The following AASDH variants were observed in gnomAD, a reference collection of about 807,000 sequenced individuals.
The protein encoded by AASDH is beta-alanine-activating enzyme.
AASDH carries 81 observed loss-of-function variants against 102.3 expected under a neutral mutation model. That is an observed-to-expected ratio of 0.79 (90% CI 0.66 to 0.95). The LOEUF (loss-of-function observed/expected upper bound fraction) is 0.95, where lower values mean the gene tolerates loss of function less well. AASDH is among the 40% of genes least tolerant of loss of function. AASDH has a pLI of 0.00. For synonymous variants in AASDH, 398 were observed against 454.0 expected (o/e 0.88, Z 1.57); for missense variants, 1,203 against 1,266.2 (o/e 0.95, Z 0.76).
chr4:56,381,905 T>C (rs1487745605), intron 3 of AASDH: 1 of 152,202 alleles, frequency 6.6e-6, no homozygotes, highest in East Asian at 1.9e-4. Flanking sequence ...GGTTATATCT[T>C]TGGTTGGCAA....
chr4:56,355,035 G>C, intron 6 of AASDH, 147 bp downstream of exon 6: 2 of 1,053,324 alleles, frequency 1.9e-6, no homozygotes, highest in South Asian at 1.8e-5. Context: ...GCTATAGTAA[G>C]GAAGGTTCTG....
chr4:56,372,614 T>C (rs1269079339), intron 4 of AASDH, among the ~76,000 whole-genome samples: 1 of 152,200 alleles, frequency 6.6e-6, no homozygotes, highest in Non-Finnish European at 1.5e-5. Context: ...GCTTCAAATA[T>C]GGTATAAACA....
rs1456889551 is a variant in AASDH, at chr4:56,355,257, A to T, written c.1028T>A (p.Val343Asp). The T allele has an allele frequency of 6.2e-7, 1 of 1,613,966 alleles. No individual in the cohort carries two copies. Among genetic ancestry groups the T allele is most frequent in the Admixed American group, 1.7e-5 (1 of 60,006 alleles). Residue 343 changes from valine (V) to aspartate (D), a missense_variant, in exon 6 of 15, where the codon GTT becomes GAT. Coordinates refer to ENST00000205214, the MANE Select transcript of AASDH (RefSeq NM_181806.4). ...ACTTGATACCTCTGTGATACCATAAACATTAAATATTTGTGTTTTATTGCC... is the reference window on the plus strand; with the variant it reads ...ACTTGATACCTCTGTGATACCATAATCATTAAATATTTGTGTTTTATTGCC... ...GEGNKTQIFN[V>D]YGITEVSSWA...
chr4:56,364,592 C>A (rs1750753297), intron 5 of AASDH, among the ~76,000 whole-genome samples: 1 of 152,130 alleles, frequency 6.6e-6, no homozygotes, highest in Non-Finnish European at 1.5e-5. Context: ...GAATTTTCAA[C>A]CCAGAATTTC....
intron 9 of AASDH, among the ~76,000 whole-genome samples, chr4:56,352,673 G>C (rs990320512): frequency 1.3e-5 from 2 of 152,188 alleles, no homozygotes; most frequent in Non-Finnish European, 2.9e-5. Context: ...TGGGATTATA[G>C]GCGCGAGTTG....
At chr4:56,372,287 T>C (rs973699678) in intron 4 of AASDH, among the ~76,000 whole-genome samples, 6 of 152,182 alleles carry the variant, frequency 3.9e-5, no homozygotes, top group African/African-American at 9.7e-5. Context: ...AACTGATCCC[T>C]ATGGACTTTA....
chr4:56,375,309 A>G (rs1752213163), intron 4 of AASDH, among the ~76,000 whole-genome samples: 1 of 152,200 alleles, frequency 6.6e-6, no homozygotes, highest in Non-Finnish European at 1.5e-5. Context: ...AGCAACAGAG[A>G]TAAGATTGTT....
At chr4:56,368,070 A>T (rs1306310627) in intron 5 of AASDH, among the ~76,000 whole-genome samples, 1 of 152,240 alleles carries the variant, frequency 6.6e-6, no homozygotes, top group Admixed American at 6.5e-5. Flanking sequence ...ATATGAACAG[A>T]CACTTCTCAA....
At chr4:56,386,119 C>T (rs1753524983) in intron 1 of AASDH, among the ~76,000 whole-genome samples, 1 of 152,086 alleles carries the variant, frequency 6.6e-6, no homozygotes, top group Non-Finnish European at 1.5e-5. Context: ...ACATATAAGG[C>T]AACTTTAGTA....
intron 12 of AASDH, 41 bp downstream of exon 12, chr4:56,345,086 C>T: frequency 6.2e-7 from 1 of 1,603,786 alleles, no homozygotes; most frequent in Non-Finnish European, 8.5e-7. Context: ...CCATTACAGG[C>T]ATGCGCCACC....
chr4:56,347,813 C>A (rs1209848140), intron 11 of AASDH, among the ~76,000 whole-genome samples: 1 of 152,096 alleles, frequency 6.6e-6, no homozygotes, highest in Non-Finnish European at 1.5e-5. Context: ...ACAGTTATCT[C>A]ATTTAATCCT....
intron 5 of AASDH, among the ~76,000 whole-genome samples, chr4:56,369,289 C>T (rs908899060): frequency 2.0e-5 from 3 of 152,178 alleles, no homozygotes; most frequent in Admixed American, 1.3e-4. Flanking sequence ...GGAAAGTCTC[C>T]TTCCCTTTTA....
At chr4:56,347,661 G>C (rs1030463547) in intron 11 of AASDH, among the ~76,000 whole-genome samples, 6 of 152,160 alleles carry the variant, frequency 3.9e-5, no homozygotes, top group Non-Finnish European at 8.8e-5. Context: ...CAGCACTTTG[G>C]GAGGCTGAGG....
chr4:56,384,023 A>T (rs1578090289), intron 2 of AASDH, 47 bp downstream of exon 2: 3 of 1,492,970 alleles, frequency 2.0e-6, no homozygotes, highest in East Asian at 4.7e-5. Flanking sequence ...TTAAAAATTT[A>T]CATTAGCTTG....
chr4:56,366,471 A>C (rs1051771384), intron 5 of AASDH, among the ~76,000 whole-genome samples: 3 of 152,214 alleles, frequency 2.0e-5, no homozygotes, highest in African/African-American at 7.2e-5. Flanking sequence ...AAAATCCTCA[A>C]TAAAATACTG....
rs1748985469 is a variant in AASDH at position 56,351,424 on chromosome 4, T to G, written c.1610A>C (p.Tyr537Ser). The G allele has an allele frequency of 1.3e-6, 2 of 1,595,866 alleles. No homozygotes were observed. Among genetic ancestry groups the G allele is most frequent in the African/African-American group, 2.7e-5 (2 of 74,336 alleles). ...KIDVSELNKI[Y>S]LNYINLKSEN... ...AGACTTCAAGTTTATGTAGTTTAAA[T>G]ATATCTTGTTTAACTCAGAAACATC... The change falls in exon 10 of 15, where the codon TAT (tyrosine) becomes TCT (serine). Residue 537 changes from tyrosine to serine, a missense_variant. By Grantham distance (144) the Tyr-to-Ser change is moderately radical. Transcript: ENST00000205214.
rs1200256979 is a variant in AASDH, at chr4:56,359,100, T to C, written c.862-3677A>G. 3.0e-5 allele frequency among the ~76,000 whole-genome samples: 4 copies of C among 132,940 alleles called. No homozygotes were observed. The South Asian group carries it at 7.4e-4, about 25-fold the overall frequency. The allele number at this position is 132,940 out of a possible 152,430, so 87.2% of individuals were successfully genotyped here. On this transcript the variant is annotated intron_variant, in intron 5 of 14. Transcript: ENST00000205214. ...TATTGTTGCTTGCTTTTTTTTGTTG[T>C]TGTTGTTTTTGGTTTTTTTTTTTGC... is the stretch of plus-strand genomic sequence containing the variant.
chr4:56,344,053 T>C (rs1055213162), intron 12 of AASDH, among the ~76,000 whole-genome samples: 1 of 152,192 alleles, frequency 6.6e-6, no homozygotes, highest in Non-Finnish European at 1.5e-5. Flanking sequence ...ATAATTTTAA[T>C]CCATAATATC....
At chr4:56,342,788 TA>T (rs1747855440) in intron 14 of AASDH, 46 bp downstream of exon 14, 1 of 742,544 alleles carries the variant, frequency 1.3e-6, no homozygotes, top group South Asian at 5.8e-5. Context: ...TATATACATT[TA>T]TATATATATA....
Sources: gnomAD v4.1 joint callset for allele counts (sites outside exome capture counted in the v4.1 genomes callset) on GRCh38, gnomAD v4.1.1 for gene constraint, MANE v1.5 for transcripts, NCBI Gene and HGNC (gene_info 2026-07-23, HGNC 2026-07-21) for gene names.